Variants in TRAF6 observed in about 807,000 individuals in gnomAD.
TRAF6 encodes TNF receptor-associated factor 6.
A neutral mutation model predicts 48.4 loss-of-function variants in TRAF6; 10 were observed. The ratio of observed to expected loss-of-function variants is 0.21; its 90% CI spans 0.13 to 0.35. The LOEUF is 0.35. Among genes scored for constraint, TRAF6 ranks in the 10% least tolerant of loss-of-function variants. The pLI, the probability that TRAF6 is intolerant of heterozygous loss-of-function variation, is 1.00. For missense variants in TRAF6, 397 were observed against 661.0 expected, an observed-to-expected ratio of 0.60 and a Z score of 4.38; for synonymous variants, 186 against 219.6, an observed-to-expected ratio of 0.85 and a Z score of 1.35.
chr11:36,506,103 A>C (rs1859780830), intron 1 of TRAF6, among the ~76,000 whole-genome samples: 1 of 151,640 alleles, frequency 6.6e-6, no homozygotes, highest in South Asian at 2.1e-4. Flanking sequence ...AAAGACTTGC[A>C]CAACACAGGG....
intron 1 of TRAF6, among the ~76,000 whole-genome samples, chr11:36,505,599 T>G (rs1200012041): frequency 6.6e-6 from 1 of 152,224 alleles, no homozygotes; most frequent in African/African-American, 2.4e-5. Context: ...TTCACTTTCT[T>G]ATTAGTGAGT....
chr11:36,499,872 A>G (rs1285896371), intron 2 of TRAF6, among the ~76,000 whole-genome samples: 1 of 152,210 alleles, frequency 6.6e-6, no homozygotes, highest in Non-Finnish European at 1.5e-5. Context: ...ATGGCTATTT[A>G]TTGAAGAACA....
Position 36,494,994 on chromosome 11 carries a change from A to T in TRAF6, c.660T>A (p.Thr220=). ...ATAATACCTGTTCTCTGATGAGTAT[A>T]GTATTGCAGTATTCACAGATGACAT... The part of the protein sequence containing the change: ...LANVICEYCN[T]ILIREQMPNH... The change falls in exon 5 of 7, where the codon ACT becomes ACA. Residue 220 remains threonine (T), a synonymous_variant. Coordinates refer to ENST00000526995, the MANE Select transcript of TRAF6 (RefSeq NM_004620.4). 6.2e-7 allele frequency: 1 copy of T among 1,601,612 alleles called. No homozygotes were observed. The highest frequency in any genetic ancestry group is 8.5e-7 in the Non-Finnish European group (1 of 1,169,914).
At chr11:36,499,530 TG>T (rs1859687835) in intron 2 of TRAF6, among the ~76,000 whole-genome samples, 1 of 152,274 alleles carries the variant, frequency 6.6e-6, no homozygotes, top group South Asian at 2.1e-4. Flanking sequence ...GCTACCTTCC[TG>T]GGCATGGCAG....
In TRAF6 at chr11:36,495,458, T is replaced by C. The variant is rs1859617730; in HGVS notation, c.607-411A>G. 2.0e-5 allele frequency among the ~76,000 whole-genome samples: 3 copies of C among 152,202 alleles called. No homozygotes were observed. The South Asian group carries it at 6.2e-4, about 32-fold the overall frequency. ...TAGAGTTAAAGAACAAATCTTTTATTAGGACATGAGGATTTGGTGCTCAGT... is the reference window on the plus strand; with the variant it reads ...TAGAGTTAAAGAACAAATCTTTTATCAGGACATGAGGATTTGGTGCTCAGT... On this transcript the variant is annotated intron_variant, in intron 4 of 6. Coordinates refer to ENST00000526995, the MANE Select transcript of TRAF6 (RefSeq NM_004620.4).
chr11:36,493,415 G>T (rs1859589209), intron 5 of TRAF6, among the ~76,000 whole-genome samples: 2 of 152,158 alleles, frequency 1.3e-5, no homozygotes, highest in South Asian at 4.1e-4. Context: ...TTTTGTAAAG[G>T]ATCAGATAGT....
chr11:36,504,297 CAA>C (rs1202694287), intron 1 of TRAF6, among the ~76,000 whole-genome samples: 1 of 152,212 alleles, frequency 6.6e-6, no homozygotes, highest in Non-Finnish European at 1.5e-5. Flanking sequence ...TTAATCCTCT[CAA>C]ATTCTCCCAC....
At chr11:36,495,606 T>C (rs5030461) in intron 4 of TRAF6, among the ~76,000 whole-genome samples, 4,298 of 151,920 alleles carry the variant, frequency 0.028, 206 homozygotes, top group African/African-American at 0.096. Flanking sequence ...TAGAAAGGAG[T>C]TGTCGGGCCG....
rs541006487 is a variant in TRAF6 at position 36,487,891 on chromosome 11, G to T, written c.*1947C>A. Reference sequence around the variant, plus strand: ...GGGCGTGGAGATTAAATGTTTTGTGGCAACATTTAATTTTTTTCTCCGATA... The same window carrying T: ...GGGCGTGGAGATTAAATGTTTTGTGTCAACATTTAATTTTTTTCTCCGATA... On this transcript the variant is annotated 3_prime_UTR_variant, in exon 7 of 7. Transcript: ENST00000526995. 1 of 151,996 alleles carries T rather than the reference G, an allele frequency of 6.6e-6. No homozygotes were observed. Among genetic ancestry groups the T allele is most frequent in the African/African-American group, 2.4e-5 (1 of 41,386 alleles). The allele number at this position is 151,996 out of a possible 1,614,324, so 9.4% of individuals were successfully genotyped here. A position where few individuals can be genotyped will look rare whatever the true frequency, so the allele number is the denominator to read the frequency against.
At chr11:36,494,824 T>G in intron 5 of TRAF6, 152 bp downstream of exon 5, 1 of 406,258 alleles carries the variant, frequency 2.5e-6, no homozygotes. Context: ...TATTTATTAC[T>G]TATATTAATT....
At chr11:36,502,459 T>C (rs1399256148) in intron 1 of TRAF6, among the ~76,000 whole-genome samples, 2 of 152,112 alleles carry the variant, frequency 1.3e-5, no homozygotes, top group East Asian at 3.9e-4. Flanking sequence ...CACAACTGTA[T>C]TTTAAATAAT....
At chr11:36,509,742 G>C (rs1194921253) in intron 1 of TRAF6, among the ~76,000 whole-genome samples, 1 of 152,048 alleles carries the variant, frequency 6.6e-6, no homozygotes, top group East Asian at 1.9e-4. Context: ...CGACCTGTGG[G>C]AAGCGTGGGG....
intron 2 of TRAF6, among the ~76,000 whole-genome samples, chr11:36,499,300 T>C (rs535271004): frequency 6.6e-6 from 1 of 152,334 alleles, no homozygotes; most frequent in South Asian, 2.1e-4. Flanking sequence ...AATGGGATTG[T>C]ATTGAGATGC....
chr11:36,492,733 T>A, intron 5 of TRAF6, 105 bp from the exon 6 acceptor site: 3 of 856,474 alleles, frequency 3.5e-6, no homozygotes, highest in Non-Finnish European at 5.7e-6. Context: ...TTGTACCACA[T>A]TGGCAGTTGA....
At position 36,488,098 on chromosome 11, in the gene TRAF6, C is replaced by T. The variant is rs1859511133; in HGVS notation, c.*1740G>A. The T allele has an allele frequency of 6.6e-6, 1 of 152,156 alleles. No homozygotes were observed. 9.4% of individuals were successfully genotyped at this position (152,156 alleles called of 1,614,324 possible). A position where few individuals can be genotyped will look rare whatever the true frequency, so the allele number is the denominator to read the frequency against. On this transcript the variant is annotated 3_prime_UTR_variant, in exon 7 of 7. Transcript: ENST00000526995. ...CATTGTAAAATAATCACAGGAACAG[C>T]AGCAGTGTAGGTTTCCCTACCTAGA... is the stretch of plus-strand genomic sequence containing the variant.
At chr11:36,505,386 G>C (rs116826829) in intron 1 of TRAF6, among the ~76,000 whole-genome samples, 2 of 152,178 alleles carry the variant, frequency 1.3e-5, no homozygotes, top group Non-Finnish European at 1.5e-5. Context: ...ACGGAGATGC[G>C]TTTCTTTCCT....
At chr11:36,497,582 T>C (rs887172046) in intron 3 of TRAF6, among the ~76,000 whole-genome samples, 1 of 152,194 alleles carries the variant, frequency 6.6e-6, no homozygotes, top group Non-Finnish European at 1.5e-5. Flanking sequence ...AGCTAATAAG[T>C]AAAAGGAGCA....
rs970096778 is a variant in TRAF6 at position 36,501,710 on chromosome 11, A to G, written c.-22-173T>C. 13 of 426,928 alleles carry G rather than the reference A, an allele frequency of 3.0e-5. No individual in the cohort carries two copies. In the South Asian group the frequency reaches 4.8e-4, roughly 16 times the overall value. The allele number at this position is 426,928 out of a possible 1,614,324, so 26.4% of individuals were successfully genotyped here. On this transcript the variant is annotated intron_variant, in intron 1 of 6. Transcript: ENST00000526995. ...TGTTTTGAGCTTTTTCATGACTATTATAAGTTACCTGATTCTCTCCTTCAA... is the reference window on the plus strand; with the variant it reads ...TGTTTTGAGCTTTTTCATGACTATTGTAAGTTACCTGATTCTCTCCTTCAA...
chr11:36,485,623 C>T lies in TRAF6; in HGVS notation c.*4215G>A, dbSNP rs544850244. Among the ~76,000 whole-genome samples, 1 of 152,076 alleles carries T rather than the reference C, an allele frequency of 6.6e-6. No individual in the cohort carries two copies. The highest frequency in any genetic ancestry group is 2.4e-5 in the African/African-American group (1 of 41,356). ...CTCATTTCCTAAAATGCTTTTCCCA[C>T]CTAGAATTATTTTTCAGGATTTTAT... On this transcript the variant is annotated 3_prime_UTR_variant, in exon 7 of 7. Coordinates refer to ENST00000526995, the MANE Select transcript of TRAF6 (RefSeq NM_004620.4).
Sources: allele counts gnomAD v4.1 joint callset (sites outside exome capture counted in the v4.1 genomes callset), GRCh38; gene constraint gnomAD v4.1.1; transcripts MANE v1.5; gene names NCBI Gene and HGNC (gene_info 2026-07-23, HGNC 2026-07-21).